GABRA1: variants seen among roughly 807,000 people sequenced by gnomAD.
GABRA1 encodes gamma-aminobutyric acid type A receptor subunit alpha1, also known as gamma-aminobutyric acid receptor subunit alpha-1.
In GABRA1, 9 loss-of-function variants were observed where a neutral mutation model predicts 48.9. The observed-to-expected ratio is 0.18, with a 90% confidence interval of 0.11 to 0.32. GABRA1 has a LOEUF of 0.32. GABRA1 is among the 10% of genes least tolerant of loss of function. The pLI is 1.00. For synonymous variants in GABRA1, 210 were observed against 198.7 expected, an observed-to-expected ratio of 1.06 and a Z score of -0.48; for missense variants, 285 against 553.8, an observed-to-expected ratio of 0.51 and a Z score of 4.87.
At chr5:161,884,264 TA>T (rs1754742327) in intron 7 of GABRA1, among the ~76,000 whole-genome samples, 1 of 152,140 alleles carries the variant, frequency 6.6e-6, no homozygotes, top group Non-Finnish European at 1.5e-5. Flanking sequence ...GTTTACTTTT[TA>T]AAACTTGAAT....
chr5:161,872,916 AT>A (rs796244883), intron 4 of GABRA1, 200 bp from the exon 5 acceptor site: 12 of 562,178 alleles, frequency 2.1e-5, no homozygotes, highest in African/African-American at 5.7e-5. Context: ...CATTTTAGAT[AT>A]TTTTTTTAAA....
intron 7 of GABRA1, among the ~76,000 whole-genome samples, chr5:161,882,903 G>A (rs1196888357): frequency 6.6e-6 from 1 of 152,062 alleles, no homozygotes; most frequent in African/African-American, 2.4e-5. Flanking sequence ...CTCTGTTTCT[G>A]TTTGTTTGTT....
chr5:161,890,751 G>A, intron 7 of GABRA1, 147 bp from the exon 8 acceptor site: 2 of 716,142 alleles, frequency 2.8e-6, no homozygotes, highest in Non-Finnish European at 2.4e-6. Flanking sequence ...TTATTTTCTG[G>A]ATAAAAACTT....
intron 1 of GABRA1, 23 bp from the exon 2 acceptor site, chr5:161,850,773 T>C: frequency 6.3e-7 from 1 of 1,593,670 alleles, no homozygotes; most frequent in Non-Finnish European, 8.6e-7. Context: ...GAGACATTGA[T>C]CTCTACTTAT....
In GABRA1 at chr5:161,898,222, AT is replaced by A. The variant is rs887199886; in HGVS notation, c.*801del. 2 of 152,628 alleles carry A rather than the reference AT, an allele frequency of 1.3e-5. No individual in the cohort carries two copies. The highest frequency in any genetic ancestry group is 4.8e-5 in the African/African-American group (2 of 41,462). 9.5% of individuals were successfully genotyped at this position (152,628 alleles called of 1,614,324 possible). On this transcript the variant is annotated 3_prime_UTR_variant, in exon 10 of 10. Coordinates refer to ENST00000393943, the MANE Select transcript of GABRA1 (RefSeq NM_001127644.2). Reference sequence around the variant, plus strand: ...GAAACTAAACTAAAATAGTTTAAAAATATTCCCTTTTTCACCCTATTTTCAG... The same window carrying A: ...GAAACTAAACTAAAATAGTTTAAAAAATTCCCTTTTTCACCCTATTTTCAG...
chr5:161,850,849 C>T lies in GABRA1; in HGVS notation c.39C>T (p.Ala13=). 1.2e-6 allele frequency: 2 copies of T among 1,614,044 alleles called. No individual in the cohort carries two copies. Among genetic ancestry groups the T allele is most frequent in the Non-Finnish European group, 1.7e-6 (2 of 1,179,942 alleles). The change falls in exon 2 of 10, where the codon GCC becomes GCT. Residue 13 remains alanine, a synonymous_variant. Coordinates refer to ENST00000393943, the MANE Select transcript of GABRA1 (RefSeq NM_001127644.2). ...KSPGLSDCLW[A]WILLLSTLTG... is the part of the protein sequence containing the mutation. Reference sequence around the variant, plus strand: ...CAGGTCTGTCTGACTGTCTTTGGGCCTGGATCCTCCTTCTGAGCACACTGA... The same window carrying T: ...CAGGTCTGTCTGACTGTCTTTGGGCTTGGATCCTCCTTCTGAGCACACTGA...
chr5:161,857,266 G>A lies in GABRA1; in HGVS notation c.187+2996G>A, dbSNP rs562208779. ...GTAACAACATTATGCAAAAAACGGGGATTTTTGCTTCTGAATGTCCTCAGG... is the reference window on the plus strand; with the variant it reads ...GTAACAACATTATGCAAAAAACGGGAATTTTTGCTTCTGAATGTCCTCAGG... On this transcript the variant is annotated intron_variant, in intron 3 of 9. Coordinates refer to ENST00000393943, the MANE Select transcript of GABRA1 (RefSeq NM_001127644.2). Among the ~76,000 whole-genome samples, 6 of 151,370 alleles carry A rather than the reference G, an allele frequency of 4.0e-5. No individual in the cohort carries two copies. The East Asian group carries it at 9.7e-4, about 24-fold the overall frequency.
chr5:161,897,194 G>C lies in GABRA1; in HGVS notation c.1143G>C (p.Arg381Ser), dbSNP rs968796887. The C allele has an allele frequency of 6.2e-7, 1 of 1,613,996 alleles. No individual in the cohort carries two copies. The highest frequency in any genetic ancestry group is 1.1e-5 in the South Asian group (1 of 91,070). Reference protein sequence around the residue: ...TATSYTPNLARGDPGLATIAK... With the variant: ...TATSYTPNLASGDPGLATIAK... The stretch of plus-strand genomic sequence containing the variant: ...CCAGCTACACCCCTAATTTGGCCAG[G>C]GGCGACCCGGGCTTAGCCACCATTG... The change falls in exon 10 of 10, where the codon AGG (arginine) becomes AGC (serine). Residue 381 changes from arginine (R) to serine (S), a missense_variant. By Grantham distance (110) the Arg-to-Ser change is moderately radical. Around this residue, in one of 6 missense-constraint regions of GABRA1, gnomAD observed 99 missense variants for 94.2 expected, o/e 1.05. Coordinates refer to ENST00000393943, the MANE Select transcript of GABRA1 (RefSeq NM_001127644.2).
intron 7 of GABRA1, among the ~76,000 whole-genome samples, chr5:161,887,833 C>T (rs552212771): frequency 1.3e-5 from 2 of 152,052 alleles, no homozygotes; most frequent in African/African-American, 2.4e-5. Flanking sequence ...AGTGCTTTCA[C>T]TCAGATTATG....
chr5:161,872,537 C>A (rs928807615), intron 4 of GABRA1, among the ~76,000 whole-genome samples: 1 of 152,046 alleles, frequency 6.6e-6, no homozygotes, highest in Non-Finnish European at 1.5e-5. Context: ...TTTTCACAAT[C>A]TTCTTTAATG....
At chr5:161,858,990 T>C (rs1043009776) in intron 3 of GABRA1, among the ~76,000 whole-genome samples, 7 of 151,732 alleles carry the variant, frequency 4.6e-5, no homozygotes, top group Non-Finnish European at 7.4e-5. Context: ...AGGCAGATGA[T>C]AGAGAAGTAA....
At position 161,884,274 on chromosome 5, in the gene GABRA1, A is replaced by G. The variant is rs541464860; in HGVS notation, c.703+1573A>G. On this transcript the variant is annotated intron_variant, in intron 7 of 9. Coordinates refer to ENST00000393943, the MANE Select transcript of GABRA1 (RefSeq NM_001127644.2). ...GCTGTGTTTACTTTTTAAAACTTGA[A>G]TGTCATTATAAGCTGGATATAATGG... is the stretch of plus-strand genomic sequence containing the variant. Among the ~76,000 whole-genome samples the G allele has an allele frequency of 1.1e-3, 175 of 152,248 alleles. 1 individual carries two copies. The highest frequency in any genetic ancestry group is 1.8e-3 in the Non-Finnish European group (123 of 68,000).
intron 4 of GABRA1, among the ~76,000 whole-genome samples, 194 bp downstream of exon 4, chr5:161,865,982 G>A: frequency 6.6e-6 from 1 of 151,996 alleles, no homozygotes; most frequent in East Asian, 1.9e-4. Flanking sequence ...TTCCAGATCA[G>A]ACCTATTTCC....
In GABRA1 at chr5:161,848,301, C is replaced by T. The variant is rs1581171911; in HGVS notation, c.-137C>T. 6.6e-6 allele frequency: 1 copy of T among 152,318 alleles called. No individual in the cohort carries two copies. Among genetic ancestry groups the T allele is most frequent in the Non-Finnish European group, 1.5e-5 (1 of 68,268 alleles). The allele number at this position is 152,318 out of a possible 1,614,324, so 9.4% of individuals were successfully genotyped here. A position where few individuals can be genotyped will look rare whatever the true frequency, so the allele number is the denominator to read the frequency against. ...GAGTGAGAGGCAGAGCGAGGACGCCCCTCTGCTCTGGCGCGCCCGGACTCG... is the reference window on the plus strand; with the variant it reads ...GAGTGAGAGGCAGAGCGAGGACGCCTCTCTGCTCTGGCGCGCCCGGACTCG... On this transcript the variant is annotated 5_prime_UTR_variant, in exon 1 of 10. Coordinates refer to ENST00000393943, the MANE Select transcript of GABRA1 (RefSeq NM_001127644.2).
Position 161,895,193 on chromosome 5 carries a change from C to A in GABRA1, c.857-473C>A, listed in dbSNP as rs1262344613. 2.6e-5 allele frequency among the ~76,000 whole-genome samples: 4 copies of A among 151,894 alleles called. No homozygotes were observed. In the East Asian group the frequency reaches 5.8e-4, roughly 22 times the overall value. ...AAGTGGCAATTTTCCCCGAATAGTT[C>A]AATTATCTATAAATTATCAAAAAGT... On this transcript the variant is annotated intron_variant, in intron 8 of 9. Coordinates refer to ENST00000393943, the MANE Select transcript of GABRA1 (RefSeq NM_001127644.2).
intron 4 of GABRA1, among the ~76,000 whole-genome samples, chr5:161,869,641 G>T (rs1388212484): frequency 6.6e-6 from 1 of 152,114 alleles, no homozygotes; most frequent in East Asian, 1.9e-4. Context: ...GTAATAAATG[G>T]CACAGGCAGG....
chr5:161,889,759 G>T (rs1755008722), intron 7 of GABRA1, among the ~76,000 whole-genome samples: 2 of 152,128 alleles, frequency 1.3e-5, no homozygotes, highest in East Asian at 1.9e-4. Context: ...CTGGCCTCTA[G>T]TAAGTAGAGT....
At chr5:161,880,364 A>G (rs1474839856) in intron 6 of GABRA1, among the ~76,000 whole-genome samples, 1 of 152,160 alleles carries the variant, frequency 6.6e-6, no homozygotes, top group Non-Finnish European at 1.5e-5. Flanking sequence ...TTATCTACAA[A>G]TTGTAAACGA....
rs531272719 is a variant in GABRA1 at position 161,898,498 on chromosome 5, T to C, written c.*1076T>C. ...TCTTAAAATATTGTGTAAGAATCAC[T>C]GCACTTAGCTGTTGGAATGTTGTTA... On this transcript the variant is annotated 3_prime_UTR_variant, in exon 10 of 10. Transcript: ENST00000393943. 3.3e-5 allele frequency: 5 copies of C among 152,414 alleles called. No individual in the cohort carries two copies. Among genetic ancestry groups the C allele is most frequent in the Non-Finnish European group, 7.4e-5 (5 of 67,998 alleles). 9.4% of individuals were successfully genotyped at this position (152,414 alleles called of 1,614,324 possible). A position where few individuals can be genotyped will look rare whatever the true frequency, so the allele number is the denominator to read the frequency against.
Sources: allele counts gnomAD v4.1 joint callset (sites outside exome capture counted in the v4.1 genomes callset), GRCh38; gene constraint gnomAD v4.1.1; regional missense constraint gnomAD v4.1.1; transcripts MANE v1.5; gene names NCBI Gene and HGNC (gene_info 2026-07-23, HGNC 2026-07-21).